The following TANK variants were observed in gnomAD, a reference collection of about 807,000 sequenced individuals.
TANK encodes the protein TRAF family member-associated NF-kappa-B activator.
In TANK, 15 loss-of-function variants were observed where a neutral mutation model predicts 43.6. The observed-to-expected ratio is 0.34, with a 90% CI of 0.23 to 0.53. TANK has a LOEUF of 0.53. Ranked by LOEUF, TANK falls within the 20% of genes least tolerant of loss-of-function variation. The pLI is 0.94. For synonymous variants in TANK, 162 were observed against 178.2 expected, an observed-to-expected ratio of 0.91 and a Z score of 0.73; for missense variants, 417 against 498.6, an observed-to-expected ratio of 0.84 and a Z score of 1.56.
intron 6 of TANK, among the ~76,000 whole-genome samples, chr2:161,229,897 T>C (rs1687822534): frequency 6.6e-6 from 1 of 152,208 alleles, no homozygotes; most frequent in Non-Finnish European, 1.5e-5. Context: ...AATTTGGCTT[T>C]TTCTAGTGTC....
chr2:161,182,718 A>T (rs979953883), intron 2 of TANK, among the ~76,000 whole-genome samples: 16 of 152,274 alleles, frequency 1.1e-4, no homozygotes, highest in African/African-American at 3.9e-4. Context: ...ATTGTCCATG[A>T]TTGAAGAAGG....
chr2:161,138,990 G>T (rs926886546), intron 1 of TANK, among the ~76,000 whole-genome samples: 1 of 152,116 alleles, frequency 6.6e-6, no homozygotes, highest in South Asian at 2.1e-4. Flanking sequence ...GTGTAGTAAA[G>T]GTACTTGATA....
At chr2:161,176,077 C>G (rs1685161061) in intron 1 of TANK, among the ~76,000 whole-genome samples, 1 of 152,122 alleles carries the variant, frequency 6.6e-6, no homozygotes, top group South Asian at 2.1e-4. Context: ...GGAGAATGAG[C>G]TTAACCATGA....
chr2:161,155,969 C>T, upstream of TANK: 17 of 792,830 alleles, frequency 2.1e-5, no homozygotes, highest in Non-Finnish European at 2.4e-5. Context: ...AAATTAATGA[C>T]TTGATAGGGC....
intron 7 of TANK, 93 bp downstream of exon 7, chr2:161,231,644 ATCCT>A (rs1281182579): frequency 7.6e-6 from 9 of 1,186,152 alleles, no homozygotes; most frequent in Non-Finnish European, 1.1e-5. Context: ...GTTATCAAAC[ATCCT>A]TTTTAAACTA....
At chr2:161,233,585 T>C (rs1009220366) in intron 7 of TANK, among the ~76,000 whole-genome samples, 1 of 152,104 alleles carries the variant, frequency 6.6e-6, no homozygotes, top group Non-Finnish European at 1.5e-5. Context: ...TATTGTTCTA[T>C]GTGATTTTCT....
chr2:161,200,861 G>A (rs1429694007), intron 2 of TANK, among the ~76,000 whole-genome samples: 1 of 151,850 alleles, frequency 6.6e-6, no homozygotes, highest in Non-Finnish European at 1.5e-5. Context: ...CTACTCCAGA[G>A]GCAGAGCAGC....
chr2:161,153,731 C>T (rs1272797859), intron 1 of TANK, among the ~76,000 whole-genome samples: 5 of 150,794 alleles, frequency 3.3e-5, no homozygotes, highest in African/African-American at 9.7e-5. Flanking sequence ...TGTAGAACCA[C>T]CTACTAAGTT....
chr2:161,145,367 G>A (rs1410088654), intron 1 of TANK, among the ~76,000 whole-genome samples: 3 of 151,592 alleles, frequency 2.0e-5, no homozygotes, highest in Non-Finnish European at 4.4e-5. Context: ...TCCTGTCATC[G>A]TGATGCTATC....
chr2:161,224,261 T>G (rs1687496213), intron 5 of TANK, among the ~76,000 whole-genome samples: 1 of 152,016 alleles, frequency 6.6e-6, no homozygotes, highest in Non-Finnish European at 1.5e-5. Context: ...GGATGGCTCC[T>G]AATGTGAACC....
At chr2:161,159,393 A>G (rs1558963557), upstream of TANK, among the ~76,000 whole-genome samples, 1 of 152,228 alleles carries the variant, frequency 6.6e-6, no homozygotes, top group Non-Finnish European at 1.5e-5. Flanking sequence ...GCCCTCAAAA[A>G]AAGTTTAAAT....
intron 6 of TANK, among the ~76,000 whole-genome samples, chr2:161,228,697 C>G (rs1465081728): frequency 6.6e-6 from 1 of 152,196 alleles, no homozygotes; most frequent in Non-Finnish European, 1.5e-5. Flanking sequence ...CATTCACTCA[C>G]CATTAACTCA....
chr2:161,178,022 TTGG>T (rs1186518421), intron 1 of TANK, among the ~76,000 whole-genome samples: 2 of 152,130 alleles, frequency 1.3e-5, no homozygotes, highest in South Asian at 2.1e-4. Context: ...ATAAGAAGTA[TTGG>T]TGTGGATGTG....
intron 2 of TANK, among the ~76,000 whole-genome samples, chr2:161,186,901 C>T (rs1220193579): frequency 6.6e-6 from 1 of 152,130 alleles, no homozygotes. Context: ...AAATGGCCAA[C>T]AGGCATTTTA....
chr2:161,196,000 A>T (rs934224435), intron 2 of TANK, among the ~76,000 whole-genome samples: 4 of 152,146 alleles, frequency 2.6e-5, no homozygotes, highest in African/African-American at 9.7e-5. Flanking sequence ...CAGGAGAATC[A>T]CTTGAACCCA....
chr2:161,205,811 G>A (rs1686626574), intron 4 of TANK, among the ~76,000 whole-genome samples: 1 of 152,058 alleles, frequency 6.6e-6, no homozygotes, highest in Admixed American at 6.5e-5. Context: ...TTTGTTTTTG[G>A]ATTTTTTTTG....
rs1056391931 is a variant in TANK, at chr2:161,209,474, C to G, written c.327+4681C>G. Reference sequence around the variant, plus strand: ...AAAACTATAAATTGTCAGTTTAATTCACTTTTTTAAAAACCAGGATTGTAA... The same window carrying G: ...AAAACTATAAATTGTCAGTTTAATTGACTTTTTTAAAAACCAGGATTGTAA... On this transcript the variant is annotated intron_variant, in intron 4 of 7. Transcript: ENST00000392749. Among the ~76,000 whole-genome samples, 15 of 152,084 alleles carry G rather than the reference C, an allele frequency of 9.9e-5. 1 individual carries two copies. Among genetic ancestry groups the G allele is most frequent in the Admixed American group, 6.5e-5 (1 of 15,278 alleles).
intron 2 of TANK, among the ~76,000 whole-genome samples, chr2:161,191,272 A>G (rs1488370744): frequency 6.6e-6 from 1 of 152,130 alleles, no homozygotes; most frequent in Non-Finnish European, 1.5e-5. Context: ...TTACGAAAGC[A>G]CCACATGCTT....
intron 1 of TANK, among the ~76,000 whole-genome samples, chr2:161,153,695 A>G (rs1319747212): frequency 6.6e-6 from 1 of 151,496 alleles, no homozygotes; most frequent in Non-Finnish European, 1.5e-5. Flanking sequence ...CTCAAAAAAA[A>G]AAAAAAAAAA....
Sources: gnomAD v4.1 joint callset for allele counts (sites outside exome capture counted in the v4.1 genomes callset) on GRCh38, gnomAD v4.1.1 for gene constraint, MANE v1.5 for transcripts, NCBI Gene and HGNC (gene_info 2026-07-23, HGNC 2026-07-21) for gene names.